RIMS2: variants seen among roughly 807,000 people sequenced by gnomAD.
The protein encoded by RIMS2 is regulating synaptic membrane exocytosis 2.
Under a neutral mutation model 174.4 loss-of-function variants are expected in RIMS2, and 59 were observed. That is an observed-to-expected ratio of 0.34 (90% CI 0.27 to 0.42). The LOEUF is 0.42. Among genes scored for constraint, RIMS2 ranks in the 10% least tolerant of loss-of-function variants. The probability of loss-of-function intolerance (pLI) is 1.00; values close to 1 mark genes in which losing one functional copy is unlikely to be tolerated. For missense variants in RIMS2, 1,620 were observed against 1,666.3 expected (o/e 0.97, Z 0.48); for synonymous variants, 606 against 572.5 (o/e 1.06, Z -0.84).
chr8:103,974,017 A>T (rs188728547), intron 15 of RIMS2, among the ~76,000 whole-genome samples: 1 of 152,152 alleles, frequency 6.6e-6, no homozygotes, highest in Non-Finnish European at 1.5e-5. Flanking sequence ...CAGGAGTACA[A>T]AAATCCAGGC....
chr8:103,750,028 A>G (rs1341847180), intron 2 of RIMS2, among the ~76,000 whole-genome samples: 1 of 152,092 alleles, frequency 6.6e-6, no homozygotes, highest in African/African-American at 2.4e-5. Flanking sequence ...GACAGCTGTT[A>G]AAACAGTGGG....
intron 15 of RIMS2, among the ~76,000 whole-genome samples, chr8:103,964,739 C>T (rs187697990): frequency 1.3e-5 from 2 of 152,186 alleles, no homozygotes; most frequent in African/African-American, 4.8e-5. Context: ...AATTTATTGC[C>T]ATACCCAAGG....
intron 19 of RIMS2, among the ~76,000 whole-genome samples, chr8:104,096,713 C>T (rs1384225132): frequency 1.3e-5 from 2 of 151,828 alleles, no homozygotes; most frequent in East Asian, 3.9e-4. Flanking sequence ...ACTAAAAGTA[C>T]AAAAATTAGC....
At chr8:103,505,532 AT>A (rs2130899975) in intron 1 of RIMS2, among the ~76,000 whole-genome samples, 1 of 152,168 alleles carries the variant, frequency 6.6e-6, no homozygotes, top group Non-Finnish European at 1.5e-5. Context: ...GTCATTAGAA[AT>A]TTTTAGTATT....
intron 3 of RIMS2, chr8:103,768,345 G>C: frequency 1.4e-6 from 1 of 691,860 alleles, no homozygotes. Flanking sequence ...GATGATAAAC[G>C]CAAACTCTGC....
At chr8:103,786,533 G>A (rs1178281820) in intron 3 of RIMS2, among the ~76,000 whole-genome samples, 1 of 152,178 alleles carries the variant, frequency 6.6e-6, no homozygotes, top group Non-Finnish European at 1.5e-5. Flanking sequence ...TATGTACCCA[G>A]TAGTCATTCA....
chr8:103,615,915 G>T (rs2095493485), intron 1 of RIMS2, among the ~76,000 whole-genome samples: 1 of 152,116 alleles, frequency 6.6e-6, no homozygotes, highest in South Asian at 2.1e-4. Context: ...ACACCTGATG[G>T]ATTCACAGCC....
chr8:103,535,956 G>C (rs922379971), intron 1 of RIMS2, among the ~76,000 whole-genome samples: 1 of 152,180 alleles, frequency 6.6e-6, no homozygotes, highest in Admixed American at 6.5e-5. Flanking sequence ...ACAGTAGCAG[G>C]TAGTATGTTA....
intron 15 of RIMS2, among the ~76,000 whole-genome samples, chr8:103,967,540 T>G (rs1272744138): frequency 6.6e-6 from 1 of 151,686 alleles, no homozygotes; most frequent in Non-Finnish European, 1.5e-5. Context: ...TCACCCAGGC[T>G]GGAATGCAGT....
chr8:103,954,567 A>T (rs2086518085), intron 14 of RIMS2, among the ~76,000 whole-genome samples: 1 of 152,262 alleles, frequency 6.6e-6, no homozygotes, highest in South Asian at 2.1e-4. Flanking sequence ...GAGCAAAGAC[A>T]CAACGTACCA....
At chr8:103,775,259 A>G (rs1450564703) in intron 3 of RIMS2, among the ~76,000 whole-genome samples, 1 of 152,140 alleles carries the variant, frequency 6.6e-6, no homozygotes, top group Non-Finnish European at 1.5e-5. Context: ...AAGAAAAAAT[A>G]GCATAACCAT....
chr8:104,122,871 A>G (rs1001296443), intron 19 of RIMS2, among the ~76,000 whole-genome samples: 3 of 152,118 alleles, frequency 2.0e-5, no homozygotes, highest in African/African-American at 4.8e-5. Flanking sequence ...TACTTTCTGA[A>G]TAGAGTACTT....
chr8:103,982,831 G>A (rs2094026472), intron 16 of RIMS2, among the ~76,000 whole-genome samples: 1 of 152,156 alleles, frequency 6.6e-6, no homozygotes, highest in Non-Finnish European at 1.5e-5. Flanking sequence ...TTTCCTCTAA[G>A]ATCTGGAACA....
chr8:103,735,963 T>G (rs2097680348), intron 2 of RIMS2, among the ~76,000 whole-genome samples: 1 of 152,178 alleles, frequency 6.6e-6, no homozygotes, highest in Admixed American at 6.6e-5. Context: ...TATGTAGTAC[T>G]TAGGCTTTAT....
chr8:103,827,243 C>A (rs1430856404), intron 3 of RIMS2, among the ~76,000 whole-genome samples: 1 of 152,016 alleles, frequency 6.6e-6, no homozygotes, highest in Non-Finnish European at 1.5e-5. Context: ...AAATGGAATT[C>A]TTTTAAAAAC....
intron 3 of RIMS2, among the ~76,000 whole-genome samples, chr8:103,822,872 C>A (rs2098761318): frequency 6.6e-6 from 1 of 151,872 alleles, no homozygotes; most frequent in African/African-American, 2.4e-5. Context: ...GTAAAAAAAT[C>A]AAGTACTGAG....
intron 1 of RIMS2, among the ~76,000 whole-genome samples, chr8:103,682,767 G>C (rs1024427655): frequency 6.6e-6 from 1 of 151,654 alleles, no homozygotes; most frequent in African/African-American, 2.4e-5. Flanking sequence ...GGTAAATACT[G>C]TTTCTTAGTA....
chr8:104,117,749 G>A (rs2098302249), intron 19 of RIMS2, among the ~76,000 whole-genome samples: 1 of 152,142 alleles, frequency 6.6e-6, no homozygotes. Flanking sequence ...TTTTATCAAA[G>A]AAACCCTAAT....
chr8:103,644,704 T>G (rs2096291582), intron 1 of RIMS2, among the ~76,000 whole-genome samples: 2 of 150,848 alleles, frequency 1.3e-5, no homozygotes, highest in African/African-American at 4.8e-5. Flanking sequence ...ATATAAAATG[T>G]AAATATTTTA....
Sources: gnomAD v4.1 joint callset for allele counts (sites outside exome capture counted in the v4.1 genomes callset) on GRCh38, gnomAD v4.1.1 for gene constraint, MANE v1.5 for transcripts, NCBI Gene and HGNC (gene_info 2026-07-23, HGNC 2026-07-21) for gene names.